TIAM2: variants seen among roughly 807,000 people sequenced by gnomAD.
TIAM2 encodes TIAM Rac1 associated GEF 2, also known as rho guanine nucleotide exchange factor TIAM2.
A neutral mutation model predicts 152.9 loss-of-function variants in TIAM2; 80 were observed. That is an observed-to-expected ratio of 0.52 (90% CI 0.44 to 0.63). The LOEUF (loss-of-function observed/expected upper bound fraction) is 0.63, where lower values mean the gene tolerates loss of function less well. Among genes scored for constraint, TIAM2 ranks in the 30% least tolerant of loss-of-function variants. The probability of loss-of-function intolerance (pLI) is 0.00; values close to 1 mark genes in which losing one functional copy is unlikely to be tolerated. For synonymous variants in TIAM2, 804 were observed against 838.0 expected (o/e 0.96, Z 0.70); for missense variants, 1,965 against 2,120.1 (o/e 0.93, Z 1.44).
intron 15 of TIAM2, among the ~76,000 whole-genome samples, chr6:155,215,727 A>ATT (rs10535890): frequency 8.6e-5 from 12 of 140,158 alleles, no homozygotes; most frequent in African/African-American, 2.4e-4. Flanking sequence ...AAAATTTTAA[A>ATT]TTTTTTTTTT....
At chr6:155,039,275 G>GA (rs1044226640) in intron 1 of TIAM2, among the ~76,000 whole-genome samples, 11 of 150,310 alleles carry the variant, frequency 7.3e-5, no homozygotes, top group Admixed American at 2.0e-4. Flanking sequence ...CTCTTAAAAA[G>GA]AAAAAAAAAT....
At chr6:155,010,406 G>A (rs1273198653) in intron 1 of TIAM2, among the ~76,000 whole-genome samples, 1 of 152,162 alleles carries the variant, frequency 6.6e-6, no homozygotes, top group African/African-American at 2.4e-5. Flanking sequence ...ATCTTTGTGT[G>A]CAGCTGGTAT....
At chr6:155,105,253 G>A (rs756909674) in intron 2 of TIAM2, among the ~76,000 whole-genome samples, 2 of 152,062 alleles carry the variant, frequency 1.3e-5, no homozygotes, top group African/African-American at 2.4e-5. Flanking sequence ...TCTGCCTCCC[G>A]AGTTCTCCCA....
chr6:155,105,909 TCTC>T (rs1197928802), intron 2 of TIAM2, among the ~76,000 whole-genome samples: 3 of 152,026 alleles, frequency 2.0e-5, no homozygotes, highest in Non-Finnish European at 4.4e-5. Context: ...GTGATCCTGT[TCTC>T]CTATTCATCA....
chr6:155,047,697 GAGAGAGAGC>G lies in TIAM2; in HGVS notation c.-208-42591_-208-42583del, dbSNP rs1777219108. Among the ~76,000 whole-genome samples, 12 of 8,410 alleles carry G rather than the reference GAGAGAGAGC, an allele frequency of 1.4e-3. 2 individuals are homozygous for G. The highest frequency in any genetic ancestry group is 4.0e-3 in the African/African-American group (12 of 2,970). 5.5% of individuals were successfully genotyped at this position (8,410 alleles called of 152,430 possible). On this transcript the variant is annotated intron_variant, in intron 1 of 26. Transcript: ENST00000682666. ...GAGAGAGAGAGAGAGAGGAGAGAGA[GAGAGAGAGC>G]GAGAGAGAGAGAGAGAGAGCGAGAG... is the stretch of plus-strand genomic sequence containing the variant.
At position 155,174,076 on chromosome 6, in the gene TIAM2, CAGG is replaced by C. The variant is rs1780702549; in HGVS notation, c.2362-2737_2362-2735del. On this transcript the variant is annotated intron_variant, in intron 9 of 26. Transcript: ENST00000682666. This position sits in a 1 kb window ranked among gnomAD's most constrained non-coding sequence, Gnocchi z 4.2. ...GTGGCTTAGAATAATGGAAAGTAAT[CAGG>C]AGATTTGGGTTGCACCCATTTTATA... Among the ~76,000 whole-genome samples, 1 of 152,168 alleles carries C rather than the reference CAGG, an allele frequency of 6.6e-6. No homozygotes were observed. Among genetic ancestry groups the C allele is most frequent in the African/African-American group, 2.4e-5 (1 of 41,446 alleles).
chr6:155,226,007 A>G (rs1273187488), intron 15 of TIAM2, among the ~76,000 whole-genome samples: 1 of 152,238 alleles, frequency 6.6e-6, no homozygotes, highest in Non-Finnish European at 1.5e-5. Context: ...TTGATGTTTT[A>G]TATACTTATA....
At position 155,029,437 on chromosome 6, in the gene TIAM2, AT is replaced by A. The variant is rs1345738757; in HGVS notation, c.-209+33947del. Among the ~76,000 whole-genome samples the A allele has an allele frequency of 1.2e-4, 5 of 40,586 alleles. 1 individual carries two copies. The highest frequency in any genetic ancestry group is 1.0e-3 in the Admixed American group (2 of 1,948). The allele number at this position is 40,586 out of a possible 152,430, so 26.6% of individuals were successfully genotyped here. A position where few individuals can be genotyped will look rare whatever the true frequency, so the allele number is the denominator to read the frequency against. On this transcript the variant is annotated intron_variant, in intron 1 of 26. Coordinates refer to ENST00000682666, the MANE Select transcript of TIAM2 (RefSeq NM_012454.4). ...ATATACTATATATACTATAGTATATATTATACTATAGTATATATTATATATA... is the reference window on the plus strand; with the variant it reads ...ATATACTATATATACTATAGTATATATATACTATAGTATATATTATATATA...
At chr6:155,169,163 T>C (rs940067006) in intron 9 of TIAM2, among the ~76,000 whole-genome samples, 4 of 152,032 alleles carry the variant, frequency 2.6e-5, no homozygotes, top group African/African-American at 4.8e-5. Context: ...GCCCGGCTAA[T>C]TTTTTGTGTT....
At chr6:155,122,590 A>C (rs1466958149) in intron 2 of TIAM2, among the ~76,000 whole-genome samples, 1 of 151,964 alleles carries the variant, frequency 6.6e-6, no homozygotes, top group Non-Finnish European at 1.5e-5. Context: ...TATTTATTAT[A>C]ATTGTCCCGT....
chr6:155,233,708 C>A lies in TIAM2; in HGVS notation c.3169-6822C>A, dbSNP rs529942359. ...TAAAGGCCCGGCATGGTGGCTCACG[C>A]CTATAATCCCAGCAGTTTGGTGGGA... is the stretch of plus-strand genomic sequence containing the variant. On this transcript the variant is annotated intron_variant, in intron 15 of 26. Transcript: ENST00000682666. Among the ~76,000 whole-genome samples, 8 of 152,218 alleles carry A rather than the reference C, an allele frequency of 5.3e-5. No individual in the cohort carries two copies. In the East Asian group the frequency reaches 1.5e-3, roughly 29 times the overall value.
intron 8 of TIAM2, 117 bp downstream of exon 8, chr6:155,164,717 G>C (rs1339072170): frequency 7.8e-7 from 1 of 1,274,698 alleles, no homozygotes; most frequent in Non-Finnish European, 1.1e-6. Flanking sequence ...CTGACACCTA[G>C]AGGCCAGGTC....
At chr6:155,043,633 C>CAAA (rs60093259) in intron 1 of TIAM2, among the ~76,000 whole-genome samples, 811 of 50,108 alleles carry the variant, frequency 0.016, 38 homozygotes, top group African/African-American at 0.046. Flanking sequence ...GACCCTGTCT[C>CAAA]AAAAAAAAAA....
chr6:155,029,443 C>CTGTAGTATATATAATA (rs1776754118), intron 1 of TIAM2, among the ~76,000 whole-genome samples: 1 of 6,646 alleles, frequency 1.5e-4, no homozygotes, highest in Non-Finnish European at 2.9e-4. Flanking sequence ...ATATATTATA[C>CTGTAGTATATATAATA]TATAGTATAT....
intron 2 of TIAM2, among the ~76,000 whole-genome samples, chr6:155,116,595 A>C (rs1185321608): frequency 6.6e-6 from 1 of 152,242 alleles, no homozygotes; most frequent in Non-Finnish European, 1.5e-5. Context: ...TTTTGGTTAC[A>C]GAATGTGATT....
intron 15 of TIAM2, among the ~76,000 whole-genome samples, chr6:155,224,914 C>G (rs538878571): frequency 2.0e-5 from 3 of 152,188 alleles, no homozygotes; most frequent in African/African-American, 7.2e-5. Context: ...CATCTTCCTA[C>G]CTTGCATGCC....
At chr6:155,075,867 T>C (rs893751543) in intron 1 of TIAM2, among the ~76,000 whole-genome samples, 1 of 152,210 alleles carries the variant, frequency 6.6e-6, no homozygotes, top group African/African-American at 2.4e-5. Context: ...TATTCCTTAA[T>C]TCGTATGATT....
chr6:155,102,615 A>G (rs1186142464), intron 2 of TIAM2, among the ~76,000 whole-genome samples: 1 of 152,136 alleles, frequency 6.6e-6, no homozygotes, highest in East Asian at 1.9e-4. Flanking sequence ...TCTGGATAGG[A>G]ACAGAAACCC....
At chr6:155,042,877 C>G (rs1202495410) in intron 1 of TIAM2, among the ~76,000 whole-genome samples, 1 of 152,154 alleles carries the variant, frequency 6.6e-6, no homozygotes, top group Non-Finnish European at 1.5e-5. Context: ...CTCCTCCCGT[C>G]TAATTGGACT....
Sources: allele counts gnomAD v4.1 joint callset (sites outside exome capture counted in the v4.1 genomes callset), GRCh38; gene constraint gnomAD v4.1.1; non-coding constraint Gnocchi (gnomAD v3.1); transcripts MANE v1.5; gene names NCBI Gene and HGNC (gene_info 2026-07-23, HGNC 2026-07-21).